The following ADA variants were observed in gnomAD, a reference collection of about 807,000 sequenced individuals.
ADA encodes the protein adenosine deaminase, also known as adenosine aminohydrolase.
ADA carries 45 observed loss-of-function variants against 49.0 expected under a neutral mutation model. The ratio of observed to expected loss-of-function variants is 0.92; its 90% CI spans 0.72 to 1.18. ADA has a LOEUF of 1.18. ADA is among the 50% of genes most tolerant of loss of function. The pLI is 0.00. For synonymous variants in ADA, 173 were observed against 184.2 expected, an observed-to-expected ratio of 0.94 and a Z score of 0.49; for missense variants, 445 against 472.5, an observed-to-expected ratio of 0.94 and a Z score of 0.54.
chr20:44,632,647 A>AC lies in ADA; in HGVS notation c.96-3479dup, dbSNP rs2065444209. ...CTGGCACCTCTTGCTGTCCCTGGCC[A>AC]CCCACACAAGCGAAGGCTCCTCATA... On this transcript the variant is annotated intron_variant, in intron 2 of 11. Transcript: ENST00000372874. 2.0e-5 allele frequency among the ~76,000 whole-genome samples: 3 copies of AC among 152,094 alleles called. No individual in the cohort carries two copies. The South Asian group carries it at 6.2e-4, about 32-fold the overall frequency.
intron 2 of ADA, among the ~76,000 whole-genome samples, chr20:44,633,769 C>T (rs1199437401): frequency 6.6e-6 from 1 of 152,190 alleles, no homozygotes; most frequent in Non-Finnish European, 1.5e-5. Flanking sequence ...GTTGGAGAGG[C>T]CCCTGAAAAG....
chr20:44,623,177 T>G (rs1245892523), intron 6 of ADA, 99 bp from the exon 7 acceptor site: 3 of 1,560,648 alleles, frequency 1.9e-6, no homozygotes, highest in Non-Finnish European at 2.6e-6. Context: ...CTAGTCATGC[T>G]GCCTGCTTCA....
chr20:44,642,606 G>GA (rs2145351024), intron 1 of ADA, among the ~76,000 whole-genome samples: 1 of 152,290 alleles, frequency 6.6e-6, no homozygotes, highest in African/African-American at 2.4e-5. Context: ...GCAAAGTGGA[G>GA]AGGGGGCAGG....
chr20:44,626,749 C>T, intron 3 of ADA, 150 bp from the exon 4 acceptor site: 1 of 956,664 alleles, frequency 1.0e-6, no homozygotes, highest in East Asian at 2.6e-5. Flanking sequence ...ATCCCAGACA[C>T]TGGGCAAGTC....
chr20:44,625,728 G>T (rs764925918), intron 4 of ADA, 44 bp from the exon 5 acceptor site: 1 of 1,471,124 alleles, frequency 6.8e-7, no homozygotes, highest in South Asian at 1.2e-5. Context: ...GCAAAAGGAA[G>T]GCCTAAAGGG....
At chr20:44,621,253 A>C (rs2065329179) in intron 9 of ADA, 106 bp from the exon 10 acceptor site, 1 of 1,348,838 alleles carries the variant, frequency 7.4e-7, no homozygotes, top group African/African-American at 1.4e-5. Flanking sequence ...AGCCTCAAAC[A>C]GATCTGAAAG....
intron 1 of ADA, among the ~76,000 whole-genome samples, chr20:44,641,464 G>GAGCA: frequency 6.6e-6 from 1 of 152,252 alleles, no homozygotes; most frequent in East Asian, 1.9e-4. Flanking sequence ...CTTGGAGGGG[G>GAGCA]CAGGACGTGC....
chr20:44,641,860 C>A (rs958741524), intron 1 of ADA, among the ~76,000 whole-genome samples: 1 of 151,780 alleles, frequency 6.6e-6, no homozygotes, highest in Admixed American at 6.6e-5. Context: ...CTCTGCCTCC[C>A]AGGTTCAAGG....
chr20:44,624,806 T>C (rs1468195167), intron 5 of ADA, among the ~76,000 whole-genome samples: 1 of 152,196 alleles, frequency 6.6e-6, no homozygotes, highest in East Asian at 1.9e-4. Context: ...TATTCTGAAG[T>C]GTTTAAGAAA....
In ADA at chr20:44,629,044, C is replaced by CA. The variant is rs1555845122; in HGVS notation, c.218+2dup. 6.2e-7 allele frequency: 1 copy of CA among 1,614,170 alleles called. No individual in the cohort carries two copies. Among genetic ancestry groups the CA allele is most frequent in the African/African-American group, 1.3e-5 (1 of 75,044 alleles). On this transcript the variant is annotated splice_region_variant and intron_variant, in intron 3 of 11. Coordinates refer to ENST00000372874, the MANE Select transcript of ADA (RefSeq NM_000022.4). ...TAGGACCTGTGGGTTGGGGGCAACT[C>CA]ACGCGATAGCAGGCATGTAGTAGTC...
At chr20:44,623,124 C>G (rs2065349453) in intron 6 of ADA, 46 bp from the exon 7 acceptor site, 1 of 1,611,882 alleles carries the variant, frequency 6.2e-7, no homozygotes, top group Non-Finnish European at 8.5e-7. Context: ...CGGGAGGGCC[C>G]CGGCAGGCCC....
At position 44,651,664 on chromosome 20, in the gene ADA, C is replaced by T. The variant is rs1045182501; in HGVS notation, c.-57G>A. 8.9e-5 allele frequency: 130 copies of T among 1,461,916 alleles called. No individual in the cohort carries two copies. Among genetic ancestry groups the T allele is most frequent in the Non-Finnish European group, 1.1e-4 (120 of 1,112,562 alleles). The allele number at this position is 1,461,916 out of a possible 1,614,324, so 90.6% of individuals were successfully genotyped here. On this transcript the variant is annotated 5_prime_UTR_variant, in exon 1 of 12. Transcript: ENST00000372874. ...CCGCCGCCGCTCGGTGGGTCTCTGC[C>T]GGCTCGGTGGCCGCTCGGCTTTCCC...
At chr20:44,640,414 C>A (rs1019721527) in intron 1 of ADA, among the ~76,000 whole-genome samples, 1 of 144,562 alleles carries the variant, frequency 6.9e-6, no homozygotes, top group African/African-American at 2.6e-5. Context: ...TACTCCCTCT[C>A]AAAAAAAAAA....
intron 4 of ADA, 157 bp downstream of exon 4, chr20:44,626,299 C>T: frequency 2.0e-6 from 2 of 1,004,988 alleles, no homozygotes; most frequent in Non-Finnish European, 3.0e-6. Flanking sequence ...TCTCTTGTGA[C>T]AGAGTTAAAC....
Position 44,620,643 on chromosome 20 carries a change from G to T in ADA, c.976-242C>A, listed in dbSNP as rs912974220. ...GTTGGAGAAACCTTTGAGAGACAGG[G>T]TGGCATGTAGGGGGCCAGAGACACC... On this transcript the variant is annotated intron_variant, in intron 10 of 11. Transcript: ENST00000372874. 9 of 597,248 alleles carry T rather than the reference G, an allele frequency of 1.5e-5. No individual in the cohort carries two copies. The Middle Eastern group carries it at 1.3e-3, about 89-fold the overall frequency. The allele number at this position is 597,248 out of a possible 1,614,324, so 37.0% of individuals were successfully genotyped here. A position where few individuals can be genotyped will look rare whatever the true frequency, so the allele number is the denominator to read the frequency against.
intron 3 of ADA, 56 bp downstream of exon 3, chr20:44,628,991 G>GTCC (rs1445276226): frequency 1.2e-6 from 2 of 1,613,228 alleles, no homozygotes; most frequent in East Asian, 4.5e-5. Flanking sequence ...GACAGGCCTG[G>GTCC]TCCTAGTCAT....
In ADA at chr20:44,647,216, C is replaced by A. The variant is rs570360716; in HGVS notation, c.33+4359G>T. On this transcript the variant is annotated intron_variant, in intron 1 of 11. Coordinates refer to ENST00000372874, the MANE Select transcript of ADA (RefSeq NM_000022.4). ...TTGGGAGGCTGAGGTGGGCGGATCACCTGAAGTCGGGAGTTCGAGACCAGC... is the reference window on the plus strand; with the variant it reads ...TTGGGAGGCTGAGGTGGGCGGATCAACTGAAGTCGGGAGTTCGAGACCAGC... Among the ~76,000 whole-genome samples, 13 of 152,104 alleles carry A rather than the reference C, an allele frequency of 8.5e-5. 1 individual carries two copies. Among genetic ancestry groups the A allele is most frequent in the African/African-American group, 2.7e-4 (11 of 41,400 alleles).
chr20:44,621,748 C>G (rs1370678522), intron 9 of ADA, among the ~76,000 whole-genome samples: 4 of 152,148 alleles, frequency 2.6e-5, no homozygotes, highest in African/African-American at 7.2e-5. Flanking sequence ...CCTTAAATAC[C>G]ATTGTCCTTC....
intron 9 of ADA, 89 bp downstream of exon 9, chr20:44,622,499 G>T: frequency 6.8e-7 from 1 of 1,474,546 alleles, no homozygotes. Context: ...TAAAAGACGC[G>T]GCATGGGCTG....
Sources: gnomAD v4.1 joint callset for allele counts (sites outside exome capture counted in the v4.1 genomes callset) on GRCh38, gnomAD v4.1.1 for gene constraint, MANE v1.5 for transcripts, NCBI Gene and HGNC (gene_info 2026-07-23, HGNC 2026-07-21) for gene names.